ENTPD1: variants seen among roughly 807,000 people sequenced by gnomAD.
The protein encoded by ENTPD1 is ATP diphosphohydrolase.
ENTPD1 carries 33 observed loss-of-function variants against 57.0 expected under a neutral mutation model. The ratio of observed to expected loss-of-function variants is 0.58; its 90% confidence interval spans 0.44 to 0.77. The LOEUF (loss-of-function observed/expected upper bound fraction) is 0.77, where lower values mean the gene tolerates loss of function less well. Ranked by LOEUF, ENTPD1 falls within the 30% of genes least tolerant of loss-of-function variation. ENTPD1 has a pLI of 0.00. For missense variants in ENTPD1, 501 were observed against 603.4 expected, an observed-to-expected ratio of 0.83 and a Z score of 1.78; for synonymous variants, 202 against 218.8, an observed-to-expected ratio of 0.92 and a Z score of 0.68.
At chr10:95,844,249 G>C (rs549075908) in intron 4 of ENTPD1, among the ~76,000 whole-genome samples, 13 of 152,134 alleles carry the variant, frequency 8.5e-5, no homozygotes, top group Non-Finnish European at 1.8e-4. Flanking sequence ...ACCTATGAAA[G>C]GATTGGAAGG....
chr10:95,863,382 A>G (rs1260270066), intron 8 of ENTPD1, among the ~76,000 whole-genome samples: 1 of 152,194 alleles, frequency 6.6e-6, no homozygotes, highest in Non-Finnish European at 1.5e-5. Flanking sequence ...GACTACTTCA[A>G]TAGGGGAGGA....
At chr10:95,723,958 G>A (rs1031971903) in intron 1 of ENTPD1, among the ~76,000 whole-genome samples, 4 of 151,846 alleles carry the variant, frequency 2.6e-5, no homozygotes, top group Non-Finnish European at 4.4e-5. Flanking sequence ...TCAGGAGGTC[G>A]AGACCATCTT....
At chr10:95,710,886 G>A (rs2097965041), upstream of ENTPD1, among the ~76,000 whole-genome samples, 1 of 151,890 alleles carries the variant, frequency 6.6e-6, no homozygotes, top group South Asian at 2.1e-4. Context: ...ACTTTTTACT[G>A]AGCACAATAT....
chr10:95,766,669 T>A (rs1475015356), intron 1 of ENTPD1, among the ~76,000 whole-genome samples: 1 of 152,232 alleles, frequency 6.6e-6, no homozygotes, highest in East Asian at 1.9e-4. Context: ...ATTTTTAATC[T>A]TTCTAAATCC....
the ENTPD1 span, among the ~76,000 whole-genome samples, chr10:95,705,845 A>C: frequency 1.3e-5 from 2 of 152,222 alleles, no homozygotes; most frequent in Non-Finnish European, 2.9e-5. Flanking sequence ...ATGGTGGCTC[A>C]TGGCACTTTG....
At chr10:95,842,733 T>G (rs1011526941) in intron 4 of ENTPD1, among the ~76,000 whole-genome samples, 2 of 151,716 alleles carry the variant, frequency 1.3e-5, no homozygotes, top group Non-Finnish European at 2.9e-5. Flanking sequence ...CTATGGGGGA[T>G]TCAAAGGGGA....
intron 1 of ENTPD1, among the ~76,000 whole-genome samples, chr10:95,728,925 A>G (rs537420642): frequency 6.6e-6 from 1 of 152,308 alleles, no homozygotes; most frequent in South Asian, 2.1e-4. Flanking sequence ...AACTTTTTAT[A>G]ATAGAGTTAC....
intron 1 of ENTPD1, among the ~76,000 whole-genome samples, chr10:95,810,955 A>T (rs1194894344): frequency 6.6e-6 from 1 of 152,212 alleles, no homozygotes; most frequent in African/African-American, 2.4e-5. Context: ...CTAGATACTA[A>T]TCAATTTATA....
intron 1 of ENTPD1, among the ~76,000 whole-genome samples, chr10:95,767,927 T>C (rs1362622958): frequency 6.6e-6 from 1 of 152,206 alleles, no homozygotes; most frequent in Non-Finnish European, 1.5e-5. Context: ...TCCACCCTGA[T>C]GAATGGATCA....
At chr10:95,752,819 A>G (rs915695907), upstream of ENTPD1, among the ~76,000 whole-genome samples, 4 of 152,150 alleles carry the variant, frequency 2.6e-5, no homozygotes, top group Non-Finnish European at 5.9e-5. Context: ...CGGTGAGCCA[A>G]TGCACCTGGC....
intron 1 of ENTPD1, among the ~76,000 whole-genome samples, chr10:95,819,935 G>A (rs762067944): frequency 2.0e-5 from 3 of 152,186 alleles, no homozygotes; most frequent in Non-Finnish European, 2.9e-5. Context: ...GGCAAATTAA[G>A]GGCTTTTCAG....
At chr10:95,860,170 A>T (rs987317684) in intron 7 of ENTPD1, among the ~76,000 whole-genome samples, 2 of 152,102 alleles carry the variant, frequency 1.3e-5, no homozygotes, top group African/African-American at 4.8e-5. Context: ...TTTAAATGGG[A>T]TTTTTGCAAC....
the ENTPD1 span, among the ~76,000 whole-genome samples, chr10:95,694,932 G>A: frequency 1.6e-5 from 2 of 121,902 alleles, no homozygotes; most frequent in African/African-American, 3.3e-5. Flanking sequence ...ACGGTGTTTC[G>A]CTCTGTCGCT....
chr10:95,856,671 T>TATATATATATATATATATACAC (rs571622251), intron 7 of ENTPD1, among the ~76,000 whole-genome samples: 3 of 146,778 alleles, frequency 2.0e-5, no homozygotes, highest in Non-Finnish European at 4.5e-5. Flanking sequence ...TATATATATA[T>TATATATATATATATATATACAC]ACACACACAT....
At chr10:95,849,853 T>C (rs994386966) in intron 7 of ENTPD1, among the ~76,000 whole-genome samples, 6 of 152,270 alleles carry the variant, frequency 3.9e-5, no homozygotes, top group African/African-American at 1.4e-4. Context: ...TTGCCTTAGA[T>C]TGAACTCCTT....
At chr10:95,727,327 A>T (rs2097984744) in intron 1 of ENTPD1, among the ~76,000 whole-genome samples, 1 of 152,148 alleles carries the variant, frequency 6.6e-6, no homozygotes, top group Non-Finnish European at 1.5e-5. Flanking sequence ...ATTCTCTAGA[A>T]ATTTTTTCTC....
At chr10:95,775,167 A>G (rs986838091) in intron 1 of ENTPD1, among the ~76,000 whole-genome samples, 1 of 152,294 alleles carries the variant, frequency 6.6e-6, no homozygotes, top group African/African-American at 2.4e-5. Context: ...TGATTTTCGC[A>G]TATTAATTTT....
chr10:95,846,607 A>G (rs192260265), intron 6 of ENTPD1, among the ~76,000 whole-genome samples: 164 of 152,264 alleles, frequency 1.1e-3, no homozygotes, highest in African/African-American at 3.9e-3. Context: ...GGGGGCGCTG[A>G]GAGACATCCA....
chr10:95,760,833 T>A (rs1295268341), intron 1 of ENTPD1, among the ~76,000 whole-genome samples: 76 of 122,058 alleles, frequency 6.2e-4, no homozygotes, highest in African/African-American at 2.5e-3. Flanking sequence ...TTTTTTTTTT[T>A]TTTTTTTTTT....
Sources: allele counts gnomAD v4.1 joint callset (sites outside exome capture counted in the v4.1 genomes callset), GRCh38; gene constraint gnomAD v4.1.1; transcripts MANE v1.5; gene names NCBI Gene and HGNC (gene_info 2026-07-23, HGNC 2026-07-21).